Variants in PTPRD observed in about 807,000 individuals in gnomAD.
PTPRD encodes the protein protein tyrosine phosphatase receptor type D, also known as receptor-type tyrosine-protein phosphatase delta.
PTPRD carries 34 observed loss-of-function variants against 214.5 expected under a neutral mutation model. The ratio of observed to expected loss-of-function variants is 0.16; its 90% confidence interval spans 0.12 to 0.21. PTPRD has a LOEUF of 0.21. PTPRD is among the 10% of genes least tolerant of loss of function. The probability of loss-of-function intolerance (pLI) is 1.00; values close to 1 mark genes in which losing one functional copy is unlikely to be tolerated. For synonymous variants in PTPRD, 1,128 were observed against 845.7 expected (o/e 1.33, Z -5.79); for missense variants, 2,545 against 2,398.7 (o/e 1.06, Z -1.27).
At chr9:8,526,497 A>G in intron 17 of PTPRD, 130 bp downstream of exon 17, 1 of 605,306 alleles carries the variant, frequency 1.7e-6, no homozygotes, top group Non-Finnish European at 2.7e-6. Flanking sequence ...ATAACCAAAC[A>G]GTACAAAGAA....
At chr9:8,363,111 CTGTT>C (rs1302945860) in intron 39 of PTPRD, among the ~76,000 whole-genome samples, 11 of 152,180 alleles carry the variant, frequency 7.2e-5, no homozygotes, top group Admixed American at 2.6e-4. Flanking sequence ...TTCGTGGTCT[CTGTT>C]TGTCCATACA....
intron 10 of PTPRD, among the ~76,000 whole-genome samples, chr9:9,033,391 C>T (rs2099611763): frequency 6.6e-6 from 1 of 152,060 alleles, no homozygotes; most frequent in African/African-American, 2.4e-5. Flanking sequence ...ACTAGAATCC[C>T]TATTTCCGCT....
chr9:9,567,011 TG>T (rs1220707432), intron 8 of PTPRD, among the ~76,000 whole-genome samples: 4 of 151,964 alleles, frequency 2.6e-5, no homozygotes, highest in African/African-American at 9.7e-5. Context: ...GAAAGTCCAT[TG>T]CCGAGAGAGG....
intron 11 of PTPRD, among the ~76,000 whole-genome samples, chr9:8,856,717 G>A (rs1412417808): frequency 2.6e-5 from 4 of 152,172 alleles, no homozygotes; most frequent in Non-Finnish European, 5.9e-5. Flanking sequence ...AATAAAAGTG[G>A]ATTGTGATAG....
chr9:8,336,368 T>C (rs1846688405), intron 43 of PTPRD, among the ~76,000 whole-genome samples: 1 of 149,100 alleles, frequency 6.7e-6, no homozygotes, highest in African/African-American at 2.5e-5. Context: ...CTCTATTTAA[T>C]AAATGGTGTT....
At chr9:8,708,982 G>A (rs1281060073) in intron 12 of PTPRD, among the ~76,000 whole-genome samples, 1 of 152,054 alleles carries the variant, frequency 6.6e-6, no homozygotes, top group African/African-American at 2.4e-5. Flanking sequence ...TATGGCAAGT[G>A]AAGTAAGCCA....
chr9:10,226,551 C>A (rs980236083), intron 3 of PTPRD, among the ~76,000 whole-genome samples: 3 of 151,996 alleles, frequency 2.0e-5, no homozygotes, highest in Non-Finnish European at 2.9e-5. Flanking sequence ...TCCATTTCCC[C>A]AAAAGCTCAA....
intron 7 of PTPRD, among the ~76,000 whole-genome samples, chr9:9,620,702 T>G (rs554976807): frequency 6.6e-6 from 1 of 152,140 alleles, no homozygotes; most frequent in South Asian, 2.1e-4. Flanking sequence ...TAAAACAGGT[T>G]CTGGCTTCAG....
chr9:10,124,527 T>C (rs1186305493), intron 3 of PTPRD, among the ~76,000 whole-genome samples: 1 of 152,196 alleles, frequency 6.6e-6, no homozygotes, highest in Non-Finnish European at 1.5e-5. Flanking sequence ...TGAATATTTA[T>C]CCGTCAAATC....
At chr9:9,666,455 G>C (rs1288569400) in intron 7 of PTPRD, among the ~76,000 whole-genome samples, 1 of 151,920 alleles carries the variant, frequency 6.6e-6, no homozygotes, top group African/African-American at 2.4e-5. Flanking sequence ...ACCTCTCTCT[G>C]GTGGGAGTTT....
chr9:8,383,173 A>G (rs902957401), intron 37 of PTPRD, among the ~76,000 whole-genome samples: 1 of 152,228 alleles, frequency 6.6e-6, no homozygotes, highest in African/African-American at 2.4e-5. Flanking sequence ...GTTTGAGCAC[A>G]ATCTCTTTTT....
intron 9 of PTPRD, among the ~76,000 whole-genome samples, chr9:9,370,855 A>T (rs1388458382): frequency 6.6e-6 from 1 of 152,070 alleles, no homozygotes; most frequent in Non-Finnish European, 1.5e-5. Flanking sequence ...CCTTTTCTGC[A>T]TCTATTGAGA....
intron 3 of PTPRD, among the ~76,000 whole-genome samples, chr9:10,075,417 AT>A (rs1224155336): frequency 6.6e-6 from 1 of 151,894 alleles, no homozygotes; most frequent in Non-Finnish European, 1.5e-5. Context: ...ATGCTCATTC[AT>A]TTTCCACAGT....
At chr9:8,625,823 AAG>A (rs1303076750) in intron 14 of PTPRD, among the ~76,000 whole-genome samples, 1 of 151,670 alleles carries the variant, frequency 6.6e-6, no homozygotes, top group Non-Finnish European at 1.5e-5. Context: ...GATGACAGAT[AAG>A]AGAGTCTTGA....
At chr9:9,993,305 C>T (rs1022465070) in intron 4 of PTPRD, among the ~76,000 whole-genome samples, 1 of 152,130 alleles carries the variant, frequency 6.6e-6, no homozygotes, top group Non-Finnish European at 1.5e-5. Flanking sequence ...TTATCCTCTC[C>T]CTCCAAAGAG....
At chr9:9,531,369 A>T (rs557189363) in intron 8 of PTPRD, among the ~76,000 whole-genome samples, 2 of 152,238 alleles carry the variant, frequency 1.3e-5, no homozygotes, top group African/African-American at 4.8e-5. Context: ...ATAAGTACCT[A>T]TTAGTAATTG....
chr9:9,654,253 C>T (rs961112969), intron 7 of PTPRD, among the ~76,000 whole-genome samples: 3 of 151,814 alleles, frequency 2.0e-5, no homozygotes, highest in African/African-American at 7.3e-5. Flanking sequence ...GAGTGAGAAG[C>T]TATAAAAATA....
intron 12 of PTPRD, among the ~76,000 whole-genome samples, chr9:8,677,827 A>T (rs975528044): frequency 2.6e-5 from 4 of 152,064 alleles, no homozygotes; most frequent in African/African-American, 9.7e-5. Flanking sequence ...AGCAGCGGGG[A>T]CTCACTTGGG....
At chr9:10,162,749 A>G (rs1330752442) in intron 3 of PTPRD, among the ~76,000 whole-genome samples, 1 of 147,666 alleles carries the variant, frequency 6.8e-6, no homozygotes, top group Non-Finnish European at 1.5e-5. Context: ...ATATACATAT[A>G]CATATATATA....
Sources: gnomAD v4.1 joint callset for allele counts (sites outside exome capture counted in the v4.1 genomes callset) on GRCh38, gnomAD v4.1.1 for gene constraint, MANE v1.5 for transcripts, NCBI Gene and HGNC (gene_info 2026-07-23, HGNC 2026-07-21) for gene names.